PRR11: variants seen among roughly 807,000 people sequenced by gnomAD.
PRR11 encodes proline rich 11.
PRR11 carries 30 observed loss-of-function variants against 45.6 expected under a neutral mutation model. That is an observed-to-expected ratio of 0.66 (90% CI 0.49 to 0.89). The LOEUF (loss-of-function observed/expected upper bound fraction) is 0.89, where lower values mean the gene tolerates loss of function less well. PRR11 is among the 40% of genes least tolerant of loss of function. PRR11 has a pLI of 0.00. For missense variants in PRR11, 373 were observed against 424.8 expected, an observed-to-expected ratio of 0.88 and a Z score of 1.07; for synonymous variants, 128 against 153.5, an observed-to-expected ratio of 0.83 and a Z score of 1.23.
intron 1 of PRR11, among the ~76,000 whole-genome samples, chr17:59,165,217 T>C (rs935031641): frequency 6.6e-6 from 1 of 151,786 alleles, no homozygotes; most frequent in Non-Finnish European, 1.5e-5. Flanking sequence ...AGACGGGGTT[T>C]CACCATGTTA....
rs62081943 is a variant in PRR11 at position 59,204,936 on chromosome 17, G to A, written c.*3305G>A. On this transcript the variant is annotated 3_prime_UTR_variant, in exon 10 of 10. Coordinates refer to ENST00000262293, the MANE Select transcript of PRR11 (RefSeq NM_018304.4). ...CCAGCTACTCAGGAGACTGAGGTGG[G>A]AGAATCACTTGAGCCTGGGAGGTTG... 2.4e-4 allele frequency among the ~76,000 whole-genome samples: 36 copies of A among 152,198 alleles called. 1 individual carries two copies. The highest frequency in any genetic ancestry group is 5.8e-4 in the East Asian group (3 of 5,180).
At chr17:59,174,521 G>T (rs968674418) in intron 2 of PRR11, among the ~76,000 whole-genome samples, 3 of 152,148 alleles carry the variant, frequency 2.0e-5, no homozygotes, top group African/African-American at 4.8e-5. Context: ...TGTTGCTCGG[G>T]CTGGAGTGCA....
Position 59,185,205 on chromosome 17 carries a change from G to A in PRR11, c.279+1G>A, listed in dbSNP as rs947379688. On this transcript the variant is annotated splice_donor_variant, in intron 3 of 9. Coordinates refer to ENST00000262293, the MANE Select transcript of PRR11 (RefSeq NM_018304.4). LOFTEE classifies it high-confidence loss of function. ...CTGGTGCCAGAACTGCATAACCCAGGTATGGATGTGACATCCCTGTTTTCA... is the reference window on the plus strand; with the variant it reads ...CTGGTGCCAGAACTGCATAACCCAGATATGGATGTGACATCCCTGTTTTCA... 1 of 1,613,334 alleles carries A rather than the reference G, an allele frequency of 6.2e-7. No homozygotes were observed. The highest frequency in any genetic ancestry group is 8.5e-7 in the Non-Finnish European group (1 of 1,179,654).
At chr17:59,173,746 C>A (rs1456343547) in intron 2 of PRR11, among the ~76,000 whole-genome samples, 1 of 152,150 alleles carries the variant, frequency 6.6e-6, no homozygotes, top group South Asian at 2.1e-4. Context: ...ACAGAAGTAC[C>A]CCCCTGGTTC....
intron 2 of PRR11, 139 bp from the exon 3 acceptor site, chr17:59,184,915 T>G: frequency 2.1e-6 from 1 of 482,872 alleles, no homozygotes; most frequent in South Asian, 3.9e-5. Context: ...GAGGCTAGTC[T>G]TGAACTCCTG....
chr17:59,161,451 C>T (rs1377981767), intron 1 of PRR11, among the ~76,000 whole-genome samples: 2 of 149,012 alleles, frequency 1.3e-5, no homozygotes, highest in Admixed American at 6.7e-5. Flanking sequence ...AAAAAAAACA[C>T]ACACACAAAA....
rs146663164 is a variant in PRR11, at chr17:59,157,770, G to A, written c.-6+1965G>A. On this transcript the variant is annotated intron_variant, in intron 1 of 9. Transcript: ENST00000262293. ...TGGTGTTGTTCAGGATTGTATGCCA[G>A]CACCTAGCATAGTACTTGGTGGATT... Among the ~76,000 whole-genome samples, 273 of 152,166 alleles carry A rather than the reference G, an allele frequency of 1.8e-3. 2 individuals carry two copies. The highest frequency in any genetic ancestry group is 6.3e-3 in the African/African-American group (261 of 41,512).
Position 59,194,832 on chromosome 17 carries a change from C to A in PRR11, c.721C>A (p.Gln241Lys), listed in dbSNP as rs1383039168. 1 of 1,613,126 alleles carries A rather than the reference C, an allele frequency of 6.2e-7. No individual in the cohort carries two copies. The highest frequency in any genetic ancestry group is 1.3e-5 in the African/African-American group (1 of 74,856). ...GCTGACTGTAAAATTAAAGAAGACA[C>A]AGAGTTTAGATGAAAAGAGGAAGGT... ...DLLTVKLKKT[Q>K]SLDEKRKLIP... Residue 241 changes from glutamine to lysine, a missense_variant, in exon 6 of 10, where the codon CAG (glutamine) becomes AAG (lysine). Transcript: ENST00000262293.
intron 2 of PRR11, chr17:59,178,445 A>C: frequency 2.0e-6 from 1 of 501,662 alleles, no homozygotes; most frequent in Non-Finnish European, 4.0e-6. Context: ...CTGAAGCAGG[A>C]ACACGGTTCC....
intron 2 of PRR11, among the ~76,000 whole-genome samples, chr17:59,184,468 A>G (rs1048657358): frequency 6.6e-6 from 1 of 152,214 alleles, no homozygotes; most frequent in Admixed American, 6.5e-5. Flanking sequence ...GTCTCAAAAA[A>G]ATAAACAAAG....
intron 2 of PRR11, among the ~76,000 whole-genome samples, chr17:59,183,139 G>C (rs2046797138): frequency 6.6e-6 from 1 of 152,148 alleles, no homozygotes. Context: ...TGCCAGGCTG[G>C]TCTCTTGTCC....
At chr17:59,184,841 C>G (rs1342985247) in intron 2 of PRR11, among the ~76,000 whole-genome samples, 4 of 148,910 alleles carry the variant, frequency 2.7e-5, no homozygotes, top group Non-Finnish European at 5.9e-5. Flanking sequence ...CACCACCATG[C>G]CTGATTAAGT....
At chr17:59,169,304 G>C (rs2046695458) in intron 1 of PRR11, among the ~76,000 whole-genome samples, 1 of 151,884 alleles carries the variant, frequency 6.6e-6, no homozygotes, top group Admixed American at 6.6e-5. Flanking sequence ...CTCCACGTTG[G>C]TCAGGCTGGT....
intron 2 of PRR11, among the ~76,000 whole-genome samples, chr17:59,170,113 G>A (rs2046700357): frequency 1.3e-5 from 2 of 151,968 alleles, no homozygotes; most frequent in African/African-American, 2.4e-5. Flanking sequence ...ATTAGCCTGC[G>A]TGGTGGCGGG....
intron 1 of PRR11, among the ~76,000 whole-genome samples, chr17:59,165,534 T>C (rs2046675417): frequency 6.6e-6 from 1 of 151,912 alleles, no homozygotes; most frequent in South Asian, 2.1e-4. Flanking sequence ...GGCTGACGCC[T>C]GTAATCCCAG....
At chr17:59,172,267 G>C (rs1309551294) in intron 2 of PRR11, among the ~76,000 whole-genome samples, 2 of 152,236 alleles carry the variant, frequency 1.3e-5, no homozygotes, top group African/African-American at 4.8e-5. Context: ...GAATTCAGCG[G>C]TATAAAAATA....
At chr17:59,173,608 A>G (rs1233400341) in intron 2 of PRR11, among the ~76,000 whole-genome samples, 1 of 152,228 alleles carries the variant, frequency 6.6e-6, no homozygotes, top group East Asian at 1.9e-4. Flanking sequence ...ACCCGCCAGA[A>G]GGCTGAACAC....
At position 59,202,887 on chromosome 17, in the gene PRR11, A is replaced by C. The variant is rs2046899468; in HGVS notation, c.*1256A>C. Reference sequence around the variant, plus strand: ...ATCAAAAATTTAAAATTACCCAGGCATGGTGACGCACACCTGTAGTCTAAG... The same window carrying C: ...ATCAAAAATTTAAAATTACCCAGGCCTGGTGACGCACACCTGTAGTCTAAG... On this transcript the variant is annotated 3_prime_UTR_variant, in exon 10 of 10. Coordinates refer to ENST00000262293, the MANE Select transcript of PRR11 (RefSeq NM_018304.4). 1 of 152,174 alleles carries C rather than the reference A, an allele frequency of 6.6e-6. No individual in the cohort carries two copies. The highest frequency in any genetic ancestry group is 2.4e-5 in the African/African-American group (1 of 41,446). 9.4% of individuals were successfully genotyped at this position (152,174 alleles called of 1,614,324 possible).
chr17:59,161,883 C>T (rs542406480), intron 1 of PRR11, among the ~76,000 whole-genome samples: 18 of 152,252 alleles, frequency 1.2e-4, no homozygotes, highest in African/African-American at 3.9e-4. Flanking sequence ...GATAAGTATA[C>T]GTATTTTAAG....
Sources: allele counts gnomAD v4.1 joint callset (sites outside exome capture counted in the v4.1 genomes callset), GRCh38; gene constraint gnomAD v4.1.1; transcripts MANE v1.5; gene names NCBI Gene and HGNC (gene_info 2026-07-23, HGNC 2026-07-21).